Variants in NAALADL2 observed in about 807,000 individuals in gnomAD.
The protein encoded by NAALADL2 is inactive N-acetylated-alpha-linked acidic dipeptidase-like protein 2.
NAALADL2 carries 76 observed loss-of-function variants against 87.2 expected under a neutral mutation model. The observed-to-expected ratio is 0.87, with a 90% confidence interval of 0.72 to 1.05. The LOEUF (loss-of-function observed/expected upper bound fraction) is 1.05, where lower values mean the gene tolerates loss of function less well. NAALADL2 is among the 50% of genes least tolerant of loss of function. The probability of loss-of-function intolerance (pLI) is 0.00; values close to 1 mark genes in which losing one functional copy is unlikely to be tolerated. For missense variants in NAALADL2, 1,089 were observed against 945.8 expected (o/e 1.15, Z -1.99); for synonymous variants, 354 against 331.0 (o/e 1.07, Z -0.75).
chr3:175,424,083 C>T (rs893405673), intron 5 of NAALADL2, among the ~76,000 whole-genome samples: 1 of 152,166 alleles, frequency 6.6e-6, no homozygotes, highest in Non-Finnish European at 1.5e-5. Flanking sequence ...AGTGTCTGTT[C>T]ATATCCTTCG....
At chr3:175,272,246 A>T (rs963263662) in intron 4 of NAALADL2, among the ~76,000 whole-genome samples, 2 of 152,224 alleles carry the variant, frequency 1.3e-5, no homozygotes, top group Admixed American at 6.5e-5. Flanking sequence ...TATACTTTTT[A>T]AAAAATCTGC....
intron 3 of NAALADL2, among the ~76,000 whole-genome samples, chr3:174,744,830 C>A (rs1734096545): frequency 6.6e-6 from 1 of 152,078 alleles, no homozygotes; most frequent in South Asian, 2.1e-4. Context: ...AATTGAACAA[C>A]CTGTCCCTGA....
At chr3:175,033,105 G>C (rs569865007) in intron 1 of NAALADL2, among the ~76,000 whole-genome samples, 1 of 151,990 alleles carries the variant, frequency 6.6e-6, no homozygotes, top group South Asian at 2.1e-4. Context: ...GGGGATGGAA[G>C]AGTAAATGAG....
intron 1 of NAALADL2, among the ~76,000 whole-genome samples, chr3:174,964,300 A>C (rs1742560717): frequency 6.6e-6 from 1 of 152,150 alleles, no homozygotes; most frequent in Non-Finnish European, 1.5e-5. Context: ...CAGGCAATCA[A>C]GAGTTCTTTG....
At chr3:175,480,188 T>TATC (rs1553906288) in intron 9 of NAALADL2, among the ~76,000 whole-genome samples, 1 of 151,858 alleles carries the variant, frequency 6.6e-6, no homozygotes, top group African/African-American at 2.4e-5. Context: ...ATTTATAGTT[T>TATC]ATCTATATTG....
intron 9 of NAALADL2, among the ~76,000 whole-genome samples, chr3:175,517,937 C>T (rs1022459668): frequency 1.3e-5 from 2 of 152,120 alleles, no homozygotes; most frequent in African/African-American, 4.8e-5. Context: ...GCTGGCCACC[C>T]CACCCTAATC....
chr3:175,085,891 C>T (rs1304150574), intron 1 of NAALADL2, among the ~76,000 whole-genome samples: 1 of 152,142 alleles, frequency 6.6e-6, no homozygotes, highest in African/African-American at 2.4e-5. Flanking sequence ...GCACTCCAGC[C>T]TGGTGACAGA....
chr3:174,950,358 A>G (rs1310775037), intron 1 of NAALADL2, among the ~76,000 whole-genome samples: 3 of 152,090 alleles, frequency 2.0e-5, no homozygotes, highest in Non-Finnish European at 2.9e-5. Flanking sequence ...GGTTGTCCAC[A>G]AATCCTTGGA....
intron 2 of NAALADL2, among the ~76,000 whole-genome samples, chr3:174,577,312 A>C (rs991531878): frequency 1.3e-5 from 2 of 152,162 alleles, no homozygotes; most frequent in East Asian, 3.9e-4. Flanking sequence ...GTTATAAACA[A>C]ATGTTGGAAC....
At chr3:175,743,728 C>G (rs188402553) in intron 12 of NAALADL2, among the ~76,000 whole-genome samples, 2 of 152,136 alleles carry the variant, frequency 1.3e-5, no homozygotes, top group African/African-American at 4.8e-5. Context: ...AACACATGAG[C>G]TGACAAGGCA....
intron 1 of NAALADL2, among the ~76,000 whole-genome samples, chr3:174,964,779 G>C (rs1742624029): frequency 6.6e-6 from 1 of 151,682 alleles, no homozygotes; most frequent in Admixed American, 6.6e-5. Context: ...TAATAACGTA[G>C]CACCTCTCAG....
At chr3:175,778,623 G>GTA (rs1462241189) in intron 13 of NAALADL2, among the ~76,000 whole-genome samples, 4 of 152,134 alleles carry the variant, frequency 2.6e-5, no homozygotes, top group Admixed American at 2.6e-4. Flanking sequence ...GCTTTTTATT[G>GTA]TATATGTCAG....
At chr3:174,981,957 A>C (rs981678352) in intron 1 of NAALADL2, among the ~76,000 whole-genome samples, 19 of 152,206 alleles carry the variant, frequency 1.2e-4, no homozygotes, top group African/African-American at 4.6e-4. Flanking sequence ...TTCTGAAGTC[A>C]CAAAAGCACT....
At chr3:174,645,854 C>T (rs1387633244) in intron 2 of NAALADL2, among the ~76,000 whole-genome samples, 2 of 152,020 alleles carry the variant, frequency 1.3e-5, no homozygotes, top group Admixed American at 1.3e-4. Context: ...TTTTATGGAT[C>T]AAATGGAGAT....
At chr3:175,475,449 G>T (rs1329200453) in intron 9 of NAALADL2, among the ~76,000 whole-genome samples, 1 of 152,130 alleles carries the variant, frequency 6.6e-6, no homozygotes, top group African/African-American at 2.4e-5. Flanking sequence ...CTAGATCACA[G>T]AATGTATTGA....
intron 5 of NAALADL2, among the ~76,000 whole-genome samples, chr3:175,443,309 T>G (rs1720123539): frequency 6.6e-6 from 1 of 152,228 alleles, no homozygotes; most frequent in South Asian, 2.1e-4. Context: ...GGTTCACTCA[T>G]ATTTAACATT....
intron 1 of NAALADL2, among the ~76,000 whole-genome samples, chr3:175,069,634 C>G (rs1715218121): frequency 1.3e-5 from 2 of 151,390 alleles, no homozygotes; most frequent in South Asian, 2.1e-4. Flanking sequence ...ACTAGAAATA[C>G]CATTTGACCC....
At chr3:175,571,878 T>A (rs888726122) in intron 9 of NAALADL2, among the ~76,000 whole-genome samples, 1 of 152,186 alleles carries the variant, frequency 6.6e-6, no homozygotes, top group African/African-American at 2.4e-5. Context: ...TTTTTAACTT[T>A]GAAGCTAGTT....
intron 4 of NAALADL2, among the ~76,000 whole-genome samples, chr3:175,280,021 T>C (rs559789517): frequency 7.5e-6 from 1 of 132,728 alleles, no homozygotes; most frequent in Non-Finnish European, 1.6e-5. Flanking sequence ...GTCTTTTCCT[T>C]TCACTCCACT....
Sources: gnomAD v4.1 joint callset for allele counts (sites outside exome capture counted in the v4.1 genomes callset) on GRCh38, gnomAD v4.1.1 for gene constraint, MANE v1.5 for transcripts, NCBI Gene and HGNC (gene_info 2026-07-23, HGNC 2026-07-21) for gene names.